Variants in COX7B2 observed in about 807,000 individuals in gnomAD.
The protein encoded by COX7B2 is cytochrome c oxidase subunit 7B2, mitochondrial.
For missense variants in COX7B2, 109 were observed against 95.9 expected, an observed-to-expected ratio of 1.14 and a Z score of -0.57; for synonymous variants, 37 against 32.1, an observed-to-expected ratio of 1.15 and a Z score of -0.51.
At chr4:46,895,571 T>G (rs1358994408) in intron 1 of COX7B2, among the ~76,000 whole-genome samples, 2 of 152,032 alleles carry the variant, frequency 1.3e-5, no homozygotes, top group Non-Finnish European at 2.9e-5. Context: ...GACAAAATAA[T>G]CTGTACAACA....
intron 2 of COX7B2, among the ~76,000 whole-genome samples, chr4:46,780,237 C>T (rs191423808): frequency 6.6e-6 from 1 of 152,156 alleles, no homozygotes; most frequent in East Asian, 1.9e-4. Context: ...CCCCTGCTGG[C>T]CGGGCACGGT....
chr4:46,888,105 G>T (rs1719190959), intron 1 of COX7B2, among the ~76,000 whole-genome samples: 1 of 152,166 alleles, frequency 6.6e-6, no homozygotes. Context: ...AACTCGCATG[G>T]TGTGTACTGT....
chr4:46,873,618 A>G (rs1002150932), intron 1 of COX7B2, among the ~76,000 whole-genome samples: 12 of 152,152 alleles, frequency 7.9e-5, no homozygotes, highest in Non-Finnish European at 1.3e-4. Flanking sequence ...TAATTTAATT[A>G]ATACATAAAT....
intron 2 of COX7B2, among the ~76,000 whole-genome samples, chr4:46,778,024 T>C (rs1014822625): frequency 6.6e-6 from 1 of 152,072 alleles, no homozygotes; most frequent in Admixed American, 6.5e-5. Flanking sequence ...ATAAATGTGA[T>C]CTATTATTAT....
At chr4:46,765,409 G>T (rs1378996656) in intron 2 of COX7B2, among the ~76,000 whole-genome samples, 2 of 152,220 alleles carry the variant, frequency 1.3e-5, no homozygotes, top group South Asian at 4.1e-4. Context: ...TAGACCAGCC[G>T]CAGGCACCAG....
intron 2 of COX7B2, among the ~76,000 whole-genome samples, chr4:46,803,413 T>C (rs956293562): frequency 3.3e-5 from 5 of 152,138 alleles, no homozygotes; most frequent in African/African-American, 9.7e-5. Context: ...ATATTCAAAA[T>C]TTTGAGTTCA....
intron 2 of COX7B2, among the ~76,000 whole-genome samples, chr4:46,815,207 C>T (rs1373465065): frequency 6.6e-6 from 1 of 151,636 alleles, no homozygotes; most frequent in Non-Finnish European, 1.5e-5. Context: ...GAAAATGTCA[C>T]TTGAGAAGCA....
At chr4:46,738,631 T>C (rs759365393) in intron 2 of COX7B2, among the ~76,000 whole-genome samples, 6 of 152,148 alleles carry the variant, frequency 3.9e-5, no homozygotes, top group Non-Finnish European at 7.4e-5. Flanking sequence ...ACAATAAATT[T>C]TGTGTTATCA....
At chr4:46,782,673 G>A (rs1717543199) in intron 2 of COX7B2, among the ~76,000 whole-genome samples, 1 of 152,182 alleles carries the variant, frequency 6.6e-6, no homozygotes, top group South Asian at 2.1e-4. Flanking sequence ...TTTAAGAGCT[G>A]TAACACTCAC....
intron 1 of COX7B2, among the ~76,000 whole-genome samples, chr4:46,860,851 T>C (rs542665452): frequency 6.6e-6 from 1 of 152,324 alleles, no homozygotes; most frequent in Admixed American, 6.5e-5. Flanking sequence ...GAGGGGACCC[T>C]GAGACATCAG....
chr4:46,768,551 T>G (rs1407533604), intron 2 of COX7B2, among the ~76,000 whole-genome samples: 1 of 152,066 alleles, frequency 6.6e-6, no homozygotes, highest in Non-Finnish European at 1.5e-5. Flanking sequence ...TGCTTGAGGG[T>G]GGAACCCTTG....
chr4:46,748,344 T>C (rs1055100871), intron 2 of COX7B2, among the ~76,000 whole-genome samples: 1 of 152,202 alleles, frequency 6.6e-6, no homozygotes, highest in Non-Finnish European at 1.5e-5. Flanking sequence ...AAAACATTAT[T>C]TTATTTAACT....
At chr4:46,885,889 T>C (rs1201890608) in intron 1 of COX7B2, among the ~76,000 whole-genome samples, 1 of 152,180 alleles carries the variant, frequency 6.6e-6, no homozygotes, top group African/African-American at 2.4e-5. Flanking sequence ...GTTACCTAAA[T>C]GAGGCTTTTC....
intron 2 of COX7B2, among the ~76,000 whole-genome samples, chr4:46,824,967 G>A (rs1254559554): frequency 6.6e-6 from 1 of 151,858 alleles, no homozygotes; most frequent in African/African-American, 2.4e-5. Flanking sequence ...CTTGAAAACA[G>A]GCAAAAGACA....
chr4:46,743,985 TAAC>T (rs1356431399), intron 2 of COX7B2, among the ~76,000 whole-genome samples: 1 of 152,182 alleles, frequency 6.6e-6, no homozygotes, highest in East Asian at 1.9e-4. Context: ...CAGTTTGTCT[TAAC>T]AACACTCATA....
chr4:46,864,945 TTTATTATGATTA>T (rs1560426550), intron 1 of COX7B2, among the ~76,000 whole-genome samples: 1 of 152,066 alleles, frequency 6.6e-6, no homozygotes, highest in East Asian at 1.9e-4. Flanking sequence ...CACCTGGGCT[TTTATTATGATTA>T]TTATTATGAT....
At position 46,757,323 on chromosome 4, in the gene COX7B2, GA is replaced by G. The variant is rs770291842; in HGVS notation, c.-49-22083del. On this transcript the variant is annotated intron_variant, in intron 2 of 2. Coordinates refer to ENST00000355591, the MANE Select transcript of COX7B2 (RefSeq NM_130902.3). ...GAGACTATGAAAGGTGGGAGGGTGGGAGGGGGGTTATGGCTGAAAAACTACC... is the reference window on the plus strand; with the variant it reads ...GAGACTATGAAAGGTGGGAGGGTGGGGGGGGGTTATGGCTGAAAAACTACC... Among the ~76,000 whole-genome samples, 387 of 149,492 alleles carry G rather than the reference GA, an allele frequency of 2.6e-3. 1 individual carries two copies. Among genetic ancestry groups the G allele is most frequent in the Non-Finnish European group, 4.1e-3 (276 of 67,308 alleles).
intron 2 of COX7B2, among the ~76,000 whole-genome samples, chr4:46,817,400 G>T (rs1719611150): frequency 6.6e-6 from 1 of 152,142 alleles, no homozygotes; most frequent in Non-Finnish European, 1.5e-5. Context: ...CAATAGAAAA[G>T]CCGGGGTACA....
intron 2 of COX7B2, among the ~76,000 whole-genome samples, chr4:46,833,207 G>A (rs1258977614): frequency 6.6e-6 from 1 of 152,062 alleles, no homozygotes; most frequent in Non-Finnish European, 1.5e-5. Flanking sequence ...GCCCCACCAA[G>A]CCATTTAAAC....
Sources: allele counts gnomAD v4.1 joint callset (sites outside exome capture counted in the v4.1 genomes callset), GRCh38; gene constraint gnomAD v4.1.1; transcripts MANE v1.5; gene names NCBI Gene and HGNC (gene_info 2026-07-23, HGNC 2026-07-21).